The following KIAA0825 variants were observed in gnomAD, a reference collection of about 807,000 sequenced individuals.
KIAA0825 encodes uncharacterized protein KIAA0825.
KIAA0825 carries 119 observed loss-of-function variants against 147.6 expected under a neutral mutation model. The ratio of observed to expected loss-of-function variants is 0.81; its 90% CI spans 0.69 to 0.94. KIAA0825 has a LOEUF of 0.94. Ranked by LOEUF, KIAA0825 falls within the 40% of genes least tolerant of loss-of-function variation. KIAA0825 has a pLI of 0.00. For synonymous variants in KIAA0825, 470 were observed against 518.1 expected, an observed-to-expected ratio of 0.91 and a Z score of 1.26; for missense variants, 1,381 against 1,472.7, an observed-to-expected ratio of 0.94 and a Z score of 1.02.
At chr5:94,255,793 G>GCCTTGA (rs1339451728) in intron 20 of KIAA0825, among the ~76,000 whole-genome samples, 1 of 139,330 alleles carries the variant, frequency 7.2e-6, no homozygotes, top group Non-Finnish European at 1.5e-5. Flanking sequence ...ATCACATGGA[G>GCCTTGA]CCTTGACCTC....
chr5:94,302,775 A>G (rs1778490688), intron 20 of KIAA0825, among the ~76,000 whole-genome samples: 1 of 152,096 alleles, frequency 6.6e-6, no homozygotes, highest in Admixed American at 6.6e-5. Context: ...TTAATAGTTT[A>G]GGCAGATTAT....
intron 20 of KIAA0825, among the ~76,000 whole-genome samples, chr5:94,176,027 A>G (rs375611386): frequency 2.0e-5 from 3 of 152,126 alleles, no homozygotes; most frequent in African/African-American, 4.8e-5. Flanking sequence ...TTTTATTGCT[A>G]AATCCCCTTG....
In KIAA0825 at chr5:94,452,980, T is replaced by C. The variant is rs145468813; in HGVS notation, c.2336A>G (p.His779Arg). ...TCACCTGAGTAAAGAAGGGTAGAAATGTGATATGCAAGAAACCCAATATAA... is the reference window on the plus strand; with the variant it reads ...TCACCTGAGTAAAGAAGGGTAGAAACGTGATATGCAAGAAACCCAATATAA... The part of the protein sequence containing the change: ...QPLYWVSCIS[H>R]FYPSLLRTPS... Residue 779 changes from histidine (H) to arginine (R), a missense_variant, in exon 13 of 21, where the codon CAT (histidine) becomes CGT (arginine). Transcript: ENST00000682413. The C allele has an allele frequency of 4.0e-4, 602 of 1,521,222 alleles. 5 individuals are homozygous for C. The East Asian group carries it at 0.012, about 30-fold the overall frequency. The allele number at this position is 1,521,222 out of a possible 1,614,324, so 94.2% of individuals were successfully genotyped here. A position where few individuals can be genotyped will look rare whatever the true frequency, so the allele number is the denominator to read the frequency against.
At chr5:94,461,741 T>A (rs1759866341) in intron 12 of KIAA0825, among the ~76,000 whole-genome samples, 1 of 151,952 alleles carries the variant, frequency 6.6e-6, no homozygotes, top group South Asian at 2.1e-4. Flanking sequence ...GTGAAATTTT[T>A]ACTACCCATG....
chr5:94,260,344 C>A (rs748826959), intron 20 of KIAA0825, among the ~76,000 whole-genome samples: 5 of 151,990 alleles, frequency 3.3e-5, no homozygotes, highest in Non-Finnish European at 7.4e-5. Context: ...AAATTTAAAT[C>A]TATTATTAGT....
At chr5:94,390,200 C>T (rs1417957629) in intron 18 of KIAA0825, among the ~76,000 whole-genome samples, 1 of 152,150 alleles carries the variant, frequency 6.6e-6, no homozygotes, top group Non-Finnish European at 1.5e-5. Flanking sequence ...ATATTATGCA[C>T]CTTTTAAAAA....
intron 17 of KIAA0825, among the ~76,000 whole-genome samples, chr5:94,393,941 C>T (rs774312468): frequency 4.6e-5 from 7 of 151,982 alleles, no homozygotes; most frequent in African/African-American, 9.6e-5. Context: ...CTCCGCCTCC[C>T]GGGTTCAAGC....
chr5:94,443,455 T>C (rs557574505), intron 13 of KIAA0825, among the ~76,000 whole-genome samples: 17 of 151,952 alleles, frequency 1.1e-4, no homozygotes, highest in Non-Finnish European at 1.9e-4. Context: ...ATAAATCCTA[T>C]AGAACTCATA....
chr5:94,586,705 A>T (rs778544511), intron 1 of KIAA0825, among the ~76,000 whole-genome samples: 18 of 152,254 alleles, frequency 1.2e-4, no homozygotes, highest in Non-Finnish European at 2.6e-4. Flanking sequence ...GGTCAGCATC[A>T]TCCTGATACC....
chr5:94,274,945 C>T (rs1307122451), intron 20 of KIAA0825, among the ~76,000 whole-genome samples: 2 of 152,106 alleles, frequency 1.3e-5, no homozygotes, highest in Non-Finnish European at 2.9e-5. Context: ...CTGATTGGCT[C>T]AGGCTCCAGC....
intron 13 of KIAA0825, among the ~76,000 whole-genome samples, chr5:94,445,019 C>T (rs779736804): frequency 4.6e-5 from 7 of 152,196 alleles, no homozygotes; most frequent in Middle Eastern, 3.4e-3. Flanking sequence ...ACATCTTACA[C>T]GGCAGCAACG....
chr5:94,401,761 T>C (rs901583265), intron 16 of KIAA0825, among the ~76,000 whole-genome samples: 1 of 152,200 alleles, frequency 6.6e-6, no homozygotes, highest in African/African-American at 2.4e-5. Context: ...ACTAGTCTCC[T>C]GGCACCAGGA....
chr5:94,611,048 C>T (rs117058533), intron 1 of KIAA0825, among the ~76,000 whole-genome samples: 3 of 152,148 alleles, frequency 2.0e-5, no homozygotes, highest in East Asian at 1.9e-4. Flanking sequence ...CTCCCTGATA[C>T]ACCATGGCTA....
Position 94,386,296 on chromosome 5 carries a change from A to C in KIAA0825, c.3565T>G (p.Phe1189Val), listed in dbSNP as rs1331747340. 1 of 1,551,550 alleles carries C rather than the reference A, an allele frequency of 6.4e-7. No homozygotes were observed. Among genetic ancestry groups the C allele is most frequent in the Admixed American group, 2.0e-5 (1 of 50,996 alleles). ...LRSIEDQPSA[F>V]NPFHVYKAFS... is the part of the protein sequence containing the mutation. The stretch of plus-strand genomic sequence containing the variant: ...GCCTTATACACATGGAAAGGGTTAA[A>C]GGCAGAAGGCTGATCTTCTATACTC... The change falls in exon 19 of 21, where the codon TTT becomes GTT. Residue 1189 changes from phenylalanine (F) to valine (V), a missense_variant. Coordinates refer to ENST00000682413, the MANE Select transcript of KIAA0825 (RefSeq NM_001145678.3).
At chr5:94,514,429 G>A (rs536233240) in intron 5 of KIAA0825, among the ~76,000 whole-genome samples, 9 of 152,098 alleles carry the variant, frequency 5.9e-5, no homozygotes, top group African/African-American at 1.9e-4. Flanking sequence ...AATTTTATAC[G>A]TAGGAAAATA....
At chr5:94,543,086 G>A (rs1584837072) in intron 2 of KIAA0825, among the ~76,000 whole-genome samples, 1 of 152,292 alleles carries the variant, frequency 6.6e-6, no homozygotes, top group East Asian at 1.9e-4. Flanking sequence ...GACCTTAAAA[G>A]GAGAGGAATT....
intron 20 of KIAA0825, among the ~76,000 whole-genome samples, chr5:94,258,422 A>G (rs1776344609): frequency 6.6e-6 from 1 of 151,980 alleles, no homozygotes; most frequent in Non-Finnish European, 1.5e-5. Context: ...AGAATAAGGC[A>G]TTTGCCAATA....
intron 2 of KIAA0825, among the ~76,000 whole-genome samples, chr5:94,564,959 TTTC>T (rs1348683047): frequency 2.7e-5 from 4 of 149,714 alleles, no homozygotes; most frequent in Admixed American, 6.6e-5. Flanking sequence ...TTTCTTTTCT[TTTC>T]TTTTCTTTTT....
In KIAA0825 at chr5:94,525,339, T is replaced by C. The variant is rs141282412; in HGVS notation, c.132-1241A>G. On this transcript the variant is annotated intron_variant, in intron 3 of 20. Transcript: ENST00000682413. ...TGTGGGTTGCCTATAAAACATACAC[T>C]GTAAAAGTTTAAGTAAAAGTTTTCA... 9.6e-4 allele frequency among the ~76,000 whole-genome samples: 146 copies of C among 152,048 alleles called. 1 individual carries two copies. Among genetic ancestry groups the C allele is most frequent in the African/African-American group, 3.4e-3 (143 of 41,562 alleles).
Sources: allele counts gnomAD v4.1 joint callset (sites outside exome capture counted in the v4.1 genomes callset), GRCh38; gene constraint gnomAD v4.1.1; transcripts MANE v1.5; gene names NCBI Gene and HGNC (gene_info 2026-07-23, HGNC 2026-07-21).